FRMD4A: variants seen among roughly 807,000 people sequenced by gnomAD.
FRMD4A encodes FERM domain containing 4A.
In FRMD4A, 29 loss-of-function variants were observed where a neutral mutation model predicts 129.1. That is an observed-to-expected ratio of 0.22 (90% CI 0.17 to 0.31). FRMD4A has a LOEUF of 0.31. Ranked by LOEUF, FRMD4A falls within the 10% of genes least tolerant of loss-of-function variation. The pLI is 1.00. For missense variants in FRMD4A, 1,272 were observed against 1,375.8 expected (o/e 0.92, Z 1.19); for synonymous variants, 634 against 571.6 (o/e 1.11, Z -1.56).
At chr10:13,912,151 A>G (rs1399873978) in intron 2 of FRMD4A, among the ~76,000 whole-genome samples, 1 of 152,160 alleles carries the variant, frequency 6.6e-6, no homozygotes, top group African/African-American at 2.4e-5. Context: ...TGAACCCTTT[A>G]TATTATAGAA....
intron 12 of FRMD4A, among the ~76,000 whole-genome samples, chr10:13,731,157 A>T (rs1412136979): frequency 6.6e-6 from 1 of 152,174 alleles, no homozygotes; most frequent in Non-Finnish European, 1.5e-5. Context: ...GTGAATTCCA[A>T]CCGTAGCCAT....
intron 2 of FRMD4A, among the ~76,000 whole-genome samples, chr10:14,221,720 G>A (rs924883529): frequency 1.2e-3 from 14 of 11,688 alleles, no homozygotes; most frequent in South Asian, 0.018. Flanking sequence ...GTACCACGCC[G>A]GGTAATTTTT....
chr10:14,217,422 T>C (rs898853683), intron 2 of FRMD4A, among the ~76,000 whole-genome samples: 2 of 152,178 alleles, frequency 1.3e-5, no homozygotes, highest in African/African-American at 2.4e-5. Flanking sequence ...GGAGATGTGA[T>C]GGTTTGATAA....
chr10:13,839,461 G>A (rs937668516), intron 3 of FRMD4A, among the ~76,000 whole-genome samples: 22 of 152,164 alleles, frequency 1.4e-4, no homozygotes, highest in Non-Finnish European at 1.9e-4. Context: ...GCCATAAAAC[G>A]TGCACCAGAG....
chr10:14,276,958 G>A (rs566757936), intron 2 of FRMD4A, among the ~76,000 whole-genome samples: 14 of 152,256 alleles, frequency 9.2e-5, no homozygotes, highest in Non-Finnish European at 1.3e-4. Flanking sequence ...TCTGCCTCCC[G>A]GGTTCAAGCA....
At chr10:13,661,939 TAAAGGA>T (rs2082671689) in intron 19 of FRMD4A, among the ~76,000 whole-genome samples, 3 of 152,110 alleles carry the variant, frequency 2.0e-5, no homozygotes, top group South Asian at 4.2e-4. Context: ...CTCAAATCAG[TAAAGGA>T]AGAGTCCCCA....
intron 3 of FRMD4A, among the ~76,000 whole-genome samples, chr10:13,820,236 A>C (rs974248622): frequency 1.3e-5 from 2 of 152,192 alleles, no homozygotes; most frequent in African/African-American, 2.4e-5. Context: ...TGGCAGACAC[A>C]GGAAACTCAT....
At chr10:14,043,355 C>A (rs1458929211) in intron 2 of FRMD4A, among the ~76,000 whole-genome samples, 1 of 152,156 alleles carries the variant, frequency 6.6e-6, no homozygotes, top group East Asian at 1.9e-4. Flanking sequence ...AAGGAAATGT[C>A]TGAGAATGTG....
At chr10:14,021,554 C>T (rs1832752595) in intron 2 of FRMD4A, among the ~76,000 whole-genome samples, 1 of 151,812 alleles carries the variant, frequency 6.6e-6, no homozygotes, top group Non-Finnish European at 1.5e-5. Context: ...GAGACCCTGA[C>T]TCAAATAAAT....
At chr10:13,751,375 G>C (rs2130654539) in intron 8 of FRMD4A, among the ~76,000 whole-genome samples, 1 of 152,286 alleles carries the variant, frequency 6.6e-6, no homozygotes, top group Non-Finnish European at 1.5e-5. Flanking sequence ...ATTCTGGAAG[G>C]GATCCATGGC....
intron 2 of FRMD4A, among the ~76,000 whole-genome samples, chr10:14,164,127 T>G (rs567772733): frequency 6.6e-6 from 1 of 152,234 alleles, no homozygotes; most frequent in Admixed American, 6.5e-5. Flanking sequence ...AAACCAACCA[T>G]GGCTTTGAAA....
At chr10:14,004,561 A>T (rs1419768319) in intron 2 of FRMD4A, among the ~76,000 whole-genome samples, 1 of 152,202 alleles carries the variant, frequency 6.6e-6, no homozygotes, top group African/African-American at 2.4e-5. Flanking sequence ...ACAAACAGAA[A>T]AAAAAAGATA....
chr10:13,693,876 C>G, intron 15 of FRMD4A, 22 bp downstream of exon 15: 1 of 1,607,014 alleles, frequency 6.2e-7, no homozygotes, highest in Non-Finnish European at 8.5e-7. Flanking sequence ...AGGGGGCGTC[C>G]CTCCAGCTGG....
intron 2 of FRMD4A, among the ~76,000 whole-genome samples, chr10:14,098,632 T>C (rs1309956329): frequency 6.6e-6 from 1 of 152,066 alleles, no homozygotes; most frequent in Non-Finnish European, 1.5e-5. Context: ...ATGGTCTCAA[T>C]CTCCTGACCC....
At chr10:14,187,427 G>C (rs1842182837) in intron 2 of FRMD4A, among the ~76,000 whole-genome samples, 1 of 152,076 alleles carries the variant, frequency 6.6e-6, no homozygotes, top group African/African-American at 2.4e-5. Context: ...ACATACTGTT[G>C]GCTATATATG....
intron 2 of FRMD4A, among the ~76,000 whole-genome samples, chr10:14,304,487 TCATGTTACCTGC>T (rs1345737059): frequency 6.6e-6 from 1 of 152,208 alleles, no homozygotes; most frequent in Non-Finnish European, 1.5e-5. Flanking sequence ...ATACGCTTGT[TCATGTTACCTGC>T]CATGTTACCT....
At chr10:14,004,133 G>A (rs566773082) in intron 2 of FRMD4A, among the ~76,000 whole-genome samples, 1 of 152,310 alleles carries the variant, frequency 6.6e-6, no homozygotes, top group East Asian at 1.9e-4. Flanking sequence ...TCCCAGAAAA[G>A]TTATCACCAC....
chr10:14,079,674 G>A (rs750054406), intron 2 of FRMD4A, among the ~76,000 whole-genome samples: 21 of 152,164 alleles, frequency 1.4e-4, no homozygotes, highest in Middle Eastern at 3.2e-3. Flanking sequence ...AAACACCCAC[G>A]ACACTTAGTA....
At chr10:14,236,629 T>C (rs1843825640) in intron 2 of FRMD4A, among the ~76,000 whole-genome samples, 1 of 152,052 alleles carries the variant, frequency 6.6e-6, no homozygotes, top group African/African-American at 2.4e-5. Context: ...GGTCAATGAG[T>C]CGGTGCCCCA....
Sources: allele counts gnomAD v4.1 joint callset (sites outside exome capture counted in the v4.1 genomes callset), GRCh38; gene constraint gnomAD v4.1.1; transcripts MANE v1.5; gene names NCBI Gene and HGNC (gene_info 2026-07-23, HGNC 2026-07-21).